The following CACNA1I variants were observed in gnomAD, a reference collection of about 807,000 sequenced individuals.
CACNA1I encodes voltage-dependent T-type calcium channel subunit alpha-1I.
CACNA1I carries 74 observed loss-of-function variants against 201.6 expected under a neutral mutation model. The observed-to-expected ratio is 0.37, with a 90% CI of 0.30 to 0.45. The LOEUF (loss-of-function observed/expected upper bound fraction) is 0.45. Ranked by LOEUF, CACNA1I falls within the 20% of genes least tolerant of loss-of-function variation. The probability of loss-of-function intolerance (pLI) is 1.00; values close to 1 mark genes in which losing one functional copy is unlikely to be tolerated. For missense variants in CACNA1I, 2,346 were observed against 3,138.1 expected (o/e 0.75, Z 6.03); for synonymous variants, 1,431 against 1,345.2 (o/e 1.06, Z -1.40).
In CACNA1I at chr22:39,679,461, A is replaced by G; in HGVS notation, c.5394+16A>G. ...GCCTGCCCAGGTGGGCAGGGGCTGGAGAGGTGTGAGGGTCGCCAGAGGGGG... is the reference window on the plus strand; with the variant it reads ...GCCTGCCCAGGTGGGCAGGGGCTGGGGAGGTGTGAGGGTCGCCAGAGGGGG... On this transcript the variant is annotated intron_variant, in intron 32 of 36. Transcript: ENST00000402142. The G allele has an allele frequency of 2.1e-6, 3 of 1,406,260 alleles. No homozygotes were observed. Among genetic ancestry groups the G allele is most frequent in the African/African-American group, 3.0e-5 (2 of 66,616 alleles). 87.1% of individuals were successfully genotyped at this position (1,406,260 alleles called of 1,614,324 possible).
In CACNA1I at chr22:39,648,992, C is replaced by T. The variant is rs934336725; in HGVS notation, c.1568-509C>T. On this transcript the variant is annotated intron_variant, in intron 9 of 36. Coordinates refer to ENST00000402142, the MANE Select transcript of CACNA1I (RefSeq NM_021096.4). This position sits in a 1 kb window ranked among gnomAD's most constrained non-coding sequence, Gnocchi z 5.4. ...GCCCCAGGGCTCCATGCCTCCTCCC[C>T]TCCCTGGGAAGCAAACCTCACCCCT... 6.6e-6 allele frequency among the ~76,000 whole-genome samples: 1 copy of T among 152,178 alleles called. No homozygotes were observed. The highest frequency in any genetic ancestry group is 6.5e-5 in the Admixed American group (1 of 15,286).
In CACNA1I at chr22:39,665,920, A is replaced by G; in HGVS notation, c.4018A>G (p.Thr1340Ala). The change falls in exon 23 of 37, where the codon ACC becomes GCC. Residue 1340 changes from threonine to alanine, a missense_variant. Around this residue, in one of 13 missense-constraint regions of CACNA1I, gnomAD observed 228 missense variants for 395.7 expected, o/e 0.58. Transcript: ENST00000402142. This position sits in a 1 kb window ranked among gnomAD's most constrained non-coding sequence, Gnocchi z 5.5. ...GTTCTACCACTGTCTGGGCGTGGAC[A>G]CCCGCAACATCACCAACCGCTCGGA... ...GKFYHCLGVD[T>A]RNITNRSDCM... 6.2e-7 allele frequency: 1 copy of G among 1,613,702 alleles called. No homozygotes were observed. The highest frequency in any genetic ancestry group is 8.5e-7 in the Non-Finnish European group (1 of 1,179,824).
chr22:39,638,838 A>T (rs2146417371), intron 5 of CACNA1I, among the ~76,000 whole-genome samples: 1 of 152,334 alleles, frequency 6.6e-6, no homozygotes, highest in South Asian at 2.1e-4. Flanking sequence ...GTTCCACCTC[A>T]GATCATCAGG....
chr22:39,590,533 C>T (rs1358309015), intron 1 of CACNA1I, among the ~76,000 whole-genome samples: 8 of 152,210 alleles, frequency 5.3e-5, no homozygotes, highest in African/African-American at 1.4e-4. Context: ...CAGAGAGAGA[C>T]GATGTGGGTG....
In CACNA1I at chr22:39,677,673, C is replaced by T. The variant is rs1036022325; in HGVS notation, c.4933+254C>T. Among the ~76,000 whole-genome samples the T allele has an allele frequency of 1.2e-4, 18 of 152,322 alleles. No individual in the cohort carries two copies. In the East Asian group the frequency reaches 1.9e-3, roughly 16 times the overall value. ...CAGGGCAGGGGAAAGAGCAACAGAG[C>T]GCTCGCTGAGCTCCGCCCTGCACCG... On this transcript the variant is annotated intron_variant, in intron 30 of 36. Transcript: ENST00000402142. This position sits in a 1 kb window ranked among gnomAD's most constrained non-coding sequence, Gnocchi z 4.8.
chr22:39,598,568 C>T (rs1932947388), intron 2 of CACNA1I, among the ~76,000 whole-genome samples: 1 of 151,970 alleles, frequency 6.6e-6, no homozygotes. Context: ...GTCCAGGCCT[C>T]AATCTTCTCC....
chr22:39,617,532 C>G (rs1450636035), intron 3 of CACNA1I, among the ~76,000 whole-genome samples: 2 of 152,130 alleles, frequency 1.3e-5, no homozygotes, highest in Non-Finnish European at 2.9e-5. Context: ...TGCGATGGGA[C>G]TCGGCAGTCC....
chr22:39,600,036 A>G lies in CACNA1I; in HGVS notation c.349-484A>G, dbSNP rs559493097. The stretch of plus-strand genomic sequence containing the variant: ...TGGGGTGAGACCCACCGGAGTTTCA[A>G]TCCTGGTTCTGCCACTTATCTGCTG... On this transcript the variant is annotated intron_variant, in intron 2 of 36. Coordinates refer to ENST00000402142, the MANE Select transcript of CACNA1I (RefSeq NM_021096.4). 9.2e-5 allele frequency among the ~76,000 whole-genome samples: 14 copies of G among 152,282 alleles called. No homozygotes were observed. The South Asian group carries it at 1.9e-3, about 20-fold the overall frequency.
chr22:39,670,702 C>T (rs370657990), intron 25 of CACNA1I, 101 bp from the exon 26 acceptor site: 23 of 1,124,036 alleles, frequency 2.0e-5, no homozygotes, highest in African/African-American at 2.0e-4. Context: ...TTCCTCTTTG[C>T]CCCCTCCCTT....
chr22:39,577,559 T>A (rs1932399841), intron 1 of CACNA1I, among the ~76,000 whole-genome samples: 1 of 152,236 alleles, frequency 6.6e-6, no homozygotes, highest in Non-Finnish European at 1.5e-5. Context: ...CAGTCATTAG[T>A]ACATCCACCG....
intron 4 of CACNA1I, among the ~76,000 whole-genome samples, chr22:39,624,733 C>T (rs1933851268): frequency 6.6e-6 from 1 of 152,196 alleles, no homozygotes; most frequent in Admixed American, 6.5e-5. Flanking sequence ...CTGCCCAGAG[C>T]CACCAGGGGA....
intron 5 of CACNA1I, among the ~76,000 whole-genome samples, chr22:39,639,931 G>T (rs1409938810): frequency 2.0e-5 from 3 of 152,182 alleles, no homozygotes; most frequent in African/African-American, 7.2e-5. Flanking sequence ...TTTAAAGCTT[G>T]TCTTGACTAT....
chr22:39,649,490 T>A lies in CACNA1I; in HGVS notation c.1568-11T>A, dbSNP rs956902009. 1 of 1,558,446 alleles carries A rather than the reference T, an allele frequency of 6.4e-7. No individual in the cohort carries two copies. Among genetic ancestry groups the A allele is most frequent in the South Asian group, 1.2e-5 (1 of 83,680 alleles). ...GGCAACGACTCTATGCCCCTCTCAT[T>A]TGCTTTTCAGAGCTGTGCCCGCAAC... On this transcript the variant is annotated splice_polypyrimidine_tract_variant and intron_variant, in intron 9 of 36. Transcript: ENST00000402142. The surrounding 1 kb of genome is among the most constrained non-coding windows in gnomAD (Gnocchi z 7.3).
chr22:39,576,479 A>G (rs2145798991), intron 1 of CACNA1I, among the ~76,000 whole-genome samples: 1 of 152,364 alleles, frequency 6.6e-6, no homozygotes, highest in South Asian at 2.1e-4. Flanking sequence ...TATTCAGGAC[A>G]ACATTGCCAC....
chr22:39,679,749 T>G lies in CACNA1I; in HGVS notation c.5422T>G (p.Leu1808Val). 1 of 1,612,670 alleles carries G rather than the reference T, an allele frequency of 6.2e-7. No homozygotes were observed. Among genetic ancestry groups the G allele is most frequent in the Non-Finnish European group, 8.5e-7 (1 of 1,179,500 alleles). Residue 1808 changes from leucine (L) to valine (V), a missense_variant, in exon 33 of 37, where the codon TTA becomes GTA. By Grantham distance (32) the Leu-to-Val change is conservative (BLOSUM62 1). Transcript: ENST00000402142. ...QENLWLDSVS[L>V]IIKDSLEGEL... is the part of the protein sequence containing the mutation. Reference sequence around the variant, plus strand: ...GAACCTGTGGCTGGACAGCGTCTCTTTAATCATCAAGGACTCCTTGGAGGG... The same window carrying G: ...GAACCTGTGGCTGGACAGCGTCTCTGTAATCATCAAGGACTCCTTGGAGGG...
At position 39,665,085 on chromosome 22, in the gene CACNA1I, C is replaced by T. The variant is rs1338133420; in HGVS notation, c.3851+162C>T. Among the ~76,000 whole-genome samples the T allele has an allele frequency of 6.6e-6, 1 of 151,502 alleles. No homozygotes were observed. The highest frequency in any genetic ancestry group is 2.0e-4 in the East Asian group (1 of 5,122). On this transcript the variant is annotated intron_variant, in intron 21 of 36. Transcript: ENST00000402142. This position sits in a 1 kb window ranked among gnomAD's most constrained non-coding sequence, Gnocchi z 5.5. Reference sequence around the variant, plus strand: ...TGTTCCCGGGGGAGGGGTCTGCAGACCCTGGGGGTGGGGTATGCTGGAAGA... The same window carrying T: ...TGTTCCCGGGGGAGGGGTCTGCAGATCCTGGGGGTGGGGTATGCTGGAAGA...
rs1935615205 is a variant in CACNA1I, at chr22:39,679,359, G to A, written c.5308G>A (p.Gly1770Ser). Residue 1770 changes from glycine to serine, a missense_variant, in exon 32 of 37, where the codon GGC becomes AGC. Transcript: ENST00000402142. ...CCCGAGGCTGCCTACCGGCTCCCCG[G>A]GCGCCCCTGGCCGAGGGCCGGGAGG... is the stretch of plus-strand genomic sequence containing the variant. ...PGPRLPTGSPGAPGRGPGGAG... is the reference protein window; with the variant it reads ...PGPRLPTGSPSAPGRGPGGAG... 6.5e-7 allele frequency: 1 copy of A among 1,537,398 alleles called. No homozygotes were observed. Among genetic ancestry groups the A allele is most frequent in the Middle Eastern group, 1.9e-4 (1 of 5,302 alleles).
intron 29 of CACNA1I, among the ~76,000 whole-genome samples, chr22:39,674,899 T>C (rs984833490): frequency 2.6e-5 from 4 of 152,142 alleles, no homozygotes; most frequent in African/African-American, 9.7e-5. Context: ...GCTAAGGACA[T>C]GGGTGAGTTC....
rs116081189 is a variant in CACNA1I, at chr22:39,593,023, T to C, written c.237-5128T>C. Among the ~76,000 whole-genome samples the C allele has an allele frequency of 8.4e-3, 1,282 of 152,368 alleles. 17 individuals are homozygous for C. The highest frequency in any genetic ancestry group is 0.027 in the African/African-American group (1,112 of 41,590). Reference sequence around the variant, plus strand: ...GGGCTCTTGGAAGGGGCCCAAGCTTTGCCATCTGGGATTTCCCCGGGCACC... The same window carrying C: ...GGGCTCTTGGAAGGGGCCCAAGCTTCGCCATCTGGGATTTCCCCGGGCACC... On this transcript the variant is annotated intron_variant, in intron 1 of 36. Coordinates refer to ENST00000402142, the MANE Select transcript of CACNA1I (RefSeq NM_021096.4).
Sources: allele counts gnomAD v4.1 joint callset (sites outside exome capture counted in the v4.1 genomes callset), GRCh38; gene constraint gnomAD v4.1.1; regional missense constraint gnomAD v4.1.1; non-coding constraint Gnocchi (gnomAD v3.1); transcripts MANE v1.5; gene names NCBI Gene and HGNC (gene_info 2026-07-23, HGNC 2026-07-21).